The following TENM3 variants were observed in gnomAD, a reference collection of about 807,000 sequenced individuals.
TENM3 encodes the protein teneurin-3.
In TENM3, 63 loss-of-function variants were observed where a neutral mutation model predicts 255.1. The ratio of observed to expected loss-of-function variants is 0.25; its 90% CI spans 0.20 to 0.30. The LOEUF (loss-of-function observed/expected upper bound fraction) is 0.30. Ranked by LOEUF, TENM3 falls within the 10% of genes least tolerant of loss-of-function variation. The pLI is 1.00. For synonymous variants in TENM3, 1,306 were observed against 1,322.3 expected (o/e 0.99, Z 0.27); for missense variants, 2,929 against 3,461.1 (o/e 0.85, Z 3.86).
chr4:181,527,362 T>TTTTTG, the TENM3 span, among the ~76,000 whole-genome samples: 10 of 152,156 alleles, frequency 6.6e-5, no homozygotes, highest in Admixed American at 1.3e-4. Flanking sequence ...TTTTTATTTG[T>TTTTTG]TTTTGTTTTG....
At chr4:182,245,605 A>G (rs1406573340) in intron 1 of TENM3, among the ~76,000 whole-genome samples, 3 of 152,174 alleles carry the variant, frequency 2.0e-5, no homozygotes, top group Non-Finnish European at 2.9e-5. Flanking sequence ...TCCACATGTT[A>G]CTTCCATTCT....
At chr4:182,653,926 C>G in intron 6 of TENM3, 33 bp downstream of exon 6, 5 of 1,567,436 alleles carry the variant, frequency 3.2e-6, no homozygotes, top group Non-Finnish European at 4.3e-6. Flanking sequence ...CTGTGTTTCT[C>G]TTTTAACATC....
chr4:182,000,574 ATTAT>A, the TENM3 span, among the ~76,000 whole-genome samples: 1 of 152,170 alleles, frequency 6.6e-6, no homozygotes, highest in Admixed American at 6.5e-5. Flanking sequence ...GCTTCAATTG[ATTAT>A]TTATTATGAA....
the TENM3 span, among the ~76,000 whole-genome samples, chr4:181,859,570 G>T: frequency 1.3e-5 from 2 of 152,230 alleles, no homozygotes; most frequent in Non-Finnish European, 2.9e-5. Context: ...ACTCAGAGGT[G>T]CAATATGTTT....
At chr4:181,987,872 G>T in the TENM3 span, among the ~76,000 whole-genome samples, 1 of 152,006 alleles carries the variant, frequency 6.6e-6, no homozygotes, top group Non-Finnish European at 1.5e-5. Context: ...ACGGGGTAAG[G>T]CATTAACAAA....
At chr4:181,659,340 T>A in the TENM3 span, among the ~76,000 whole-genome samples, 4 of 152,154 alleles carry the variant, frequency 2.6e-5, no homozygotes, top group Non-Finnish European at 5.9e-5. Context: ...CGCTTTACTT[T>A]CTTAATAAAC....
At chr4:182,700,102 C>T (rs1757735367) in intron 12 of TENM3, among the ~76,000 whole-genome samples, 1 of 152,198 alleles carries the variant, frequency 6.6e-6, no homozygotes, top group Non-Finnish European at 1.5e-5. Context: ...AAGGATGCCA[C>T]ATGCTTCCCA....
the TENM3 span, among the ~76,000 whole-genome samples, chr4:181,605,211 C>T: frequency 2.0e-5 from 3 of 151,654 alleles, no homozygotes; most frequent in Non-Finnish European, 2.9e-5. Context: ...TTCGCGAGGC[C>T]GAAGTGGGTG....
the TENM3 span, among the ~76,000 whole-genome samples, chr4:181,561,078 G>A: frequency 4.1e-3 from 631 of 152,120 alleles, 1 homozygote; most frequent in Middle Eastern, 0.02. Flanking sequence ...TCAGCCTCCC[G>A]AGTAGCTGGG....
chr4:182,143,842 C>G (rs1398450521), upstream of TENM3: 1 of 152,494 alleles, frequency 6.6e-6, no homozygotes, highest in Non-Finnish European at 1.5e-5. The surrounding 1 kb of genome is among the most constrained non-coding windows in gnomAD (Gnocchi z 4.3). Flanking sequence ...TCACGGATGA[C>G]CCCTAAATCA....
At chr4:181,526,143 C>T in the TENM3 span, among the ~76,000 whole-genome samples, 1 of 152,020 alleles carries the variant, frequency 6.6e-6, no homozygotes, top group Non-Finnish European at 1.5e-5. Flanking sequence ...CTGGCATAAT[C>T]GTGAATTTAA....
the TENM3 span, among the ~76,000 whole-genome samples, chr4:181,807,347 C>A: frequency 5.9e-5 from 9 of 152,164 alleles, no homozygotes; most frequent in African/African-American, 2.2e-4. Flanking sequence ...TGTTACCAAT[C>A]CTTCGAACAC....
chr4:182,089,514 G>A, the TENM3 span, among the ~76,000 whole-genome samples: 14 of 152,190 alleles, frequency 9.2e-5, no homozygotes, highest in East Asian at 5.8e-4. Flanking sequence ...ACTGACTTGC[G>A]CTCCCTGCTG....
chr4:181,936,636 C>T, the TENM3 span, among the ~76,000 whole-genome samples: 1 of 152,022 alleles, frequency 6.6e-6, no homozygotes, highest in Non-Finnish European at 1.5e-5. Context: ...TAGAGAATAG[C>T]AGGGAAGACA....
chr4:182,173,240 A>G (rs1355929992), intron 1 of TENM3, among the ~76,000 whole-genome samples: 2 of 152,206 alleles, frequency 1.3e-5, no homozygotes, highest in African/African-American at 4.8e-5. Flanking sequence ...TTGGACACCT[A>G]CAGCTCGGAA....
the TENM3 span, among the ~76,000 whole-genome samples, chr4:181,640,738 G>A: frequency 2.6e-5 from 4 of 152,180 alleles, no homozygotes; most frequent in Non-Finnish European, 5.9e-5. Flanking sequence ...AACTATAGGA[G>A]GTGATGCCGG....
intron 22 of TENM3, among the ~76,000 whole-genome samples, chr4:182,771,923 C>G (rs1350071129): frequency 6.6e-6 from 1 of 152,180 alleles, no homozygotes; most frequent in South Asian, 2.1e-4. Flanking sequence ...CTTCTCCCTC[C>G]TGAGTGCCCG....
At chr4:181,477,518 G>A in the TENM3 span, among the ~76,000 whole-genome samples, 1 of 152,068 alleles carries the variant, frequency 6.6e-6, no homozygotes, top group East Asian at 1.9e-4. Flanking sequence ...AATATGTAAA[G>A]GTTTGAATAC....
the TENM3 span, among the ~76,000 whole-genome samples, chr4:181,965,314 A>T: frequency 2.0e-5 from 3 of 152,324 alleles, no homozygotes; most frequent in East Asian, 5.8e-4. Context: ...AGGAGAGAGT[A>T]TTTTGATAAA....
Sources: gnomAD v4.1 joint callset for allele counts (sites outside exome capture counted in the v4.1 genomes callset) on GRCh38, gnomAD v4.1.1 for gene constraint, Gnocchi (gnomAD v3.1) non-coding constraint, MANE v1.5 for transcripts, NCBI Gene and HGNC (gene_info 2026-07-23, HGNC 2026-07-21) for gene names.